The following BNC2 variants were observed in gnomAD, a reference collection of about 807,000 sequenced individuals.
BNC2 encodes basonuclin zinc finger protein 2, also known as zinc finger protein basonuclin-2.
BNC2 carries 20 observed loss-of-function variants against 76.3 expected under a neutral mutation model. That is an observed-to-expected ratio of 0.26 (90% CI 0.18 to 0.38). BNC2 has a LOEUF of 0.38. Ranked by LOEUF, BNC2 falls within the 10% of genes least tolerant of loss-of-function variation. The pLI, the probability that BNC2 is intolerant of heterozygous loss-of-function variation, is 1.00. For missense variants in BNC2, 1,382 were observed against 1,399.8 expected, an observed-to-expected ratio of 0.99 and a Z score of 0.20; for synonymous variants, 582 against 514.8, an observed-to-expected ratio of 1.13 and a Z score of -1.77.
At chr9:16,833,979 A>G (rs1209229567) in intron 1 of BNC2, among the ~76,000 whole-genome samples, 1 of 152,080 alleles carries the variant, frequency 6.6e-6, no homozygotes, top group Non-Finnish European at 1.5e-5. Context: ...TCCTTTTGCA[A>G]TACTCAGCAC....
chr9:16,637,315 T>A (rs1390186571), intron 3 of BNC2, among the ~76,000 whole-genome samples: 2 of 152,154 alleles, frequency 1.3e-5, no homozygotes, highest in Non-Finnish European at 2.9e-5. Context: ...TATTCAGAAC[T>A]AAAGTGAAGT....
chr9:16,706,930 C>T (rs1350510626), intron 3 of BNC2, among the ~76,000 whole-genome samples: 3 of 152,168 alleles, frequency 2.0e-5, no homozygotes, highest in East Asian at 3.9e-4. Context: ...AGGCTGGGCG[C>T]GGAGGCTCAC....
intron 1 of BNC2, among the ~76,000 whole-genome samples, chr9:16,740,522 A>G (rs139520624): frequency 2.7e-4 from 41 of 152,346 alleles, no homozygotes; most frequent in African/African-American, 9.6e-4. Context: ...TGATAGGTAT[A>G]CAGAATCCAT....
intron 3 of BNC2, among the ~76,000 whole-genome samples, chr9:16,725,814 C>T (rs1236674157): frequency 2.6e-5 from 4 of 152,146 alleles, no homozygotes; most frequent in Admixed American, 2.6e-4. Context: ...AAATGTTTTC[C>T]ATGACAAAAT....
chr9:16,781,625 A>C (rs1015380518), intron 1 of BNC2, among the ~76,000 whole-genome samples: 31 of 152,314 alleles, frequency 2.0e-4, no homozygotes, highest in Middle Eastern at 3.4e-3. Flanking sequence ...GGAAATATGA[A>C]AGATTTAATT....
intron 1 of BNC2, among the ~76,000 whole-genome samples, chr9:16,870,105 C>T (rs1452014489): frequency 6.6e-6 from 1 of 152,142 alleles, no homozygotes; most frequent in Non-Finnish European, 1.5e-5. Context: ...AATGTGAAGA[C>T]AAGGGGAGAG....
chr9:16,744,822 A>C (rs1235147837), intron 1 of BNC2, among the ~76,000 whole-genome samples: 1 of 152,236 alleles, frequency 6.6e-6, no homozygotes, highest in African/African-American at 2.4e-5. Context: ...AAAATGTGAA[A>C]GCTTATAGCA....
chr9:16,868,039 G>C (rs991596992), intron 1 of BNC2: 1 of 152,166 alleles, frequency 6.6e-6, no homozygotes, highest in African/African-American at 2.4e-5. Flanking sequence ...TGACAAGTTA[G>C]CAGGGGACTG....
intron 5 of BNC2, among the ~76,000 whole-genome samples, chr9:16,478,248 T>C (rs1262027911): frequency 6.6e-6 from 1 of 152,162 alleles, no homozygotes; most frequent in East Asian, 1.9e-4. Context: ...CTGGCAGGCT[T>C]TTCTCCAGGC....
At chr9:16,651,523 C>T (rs7043298) in intron 3 of BNC2, among the ~76,000 whole-genome samples, 48,382 of 152,004 alleles carry the variant, frequency 0.32, 7,982 homozygotes, top group Non-Finnish European at 0.35. Flanking sequence ...GTCCTAGAAG[C>T]TAAACAAAAC....
chr9:16,552,190 C>T (rs1818683487), intron 5 of BNC2, among the ~76,000 whole-genome samples: 1 of 152,156 alleles, frequency 6.6e-6, no homozygotes, highest in South Asian at 2.1e-4. Flanking sequence ...TTTTCACACA[C>T]CCATTACCCG....
rs376632756 is a variant in BNC2 at position 16,829,041 on chromosome 9, G to A, written c.3+41605C>T. 6.6e-5 allele frequency among the ~76,000 whole-genome samples: 10 copies of A among 152,242 alleles called. No individual in the cohort carries two copies. In the South Asian group the frequency reaches 1.9e-3, roughly 28 times the overall value. On this transcript the variant is annotated intron_variant, in intron 1 of 6. Coordinates refer to ENST00000380672, the MANE Select transcript of BNC2 (RefSeq NM_017637.6). The stretch of plus-strand genomic sequence containing the variant: ...GCAGAAGGGAGGCGAGCCAGGAGCC[G>A]GCACGAGGCACCAGGGGACCTGGGG...
intron 3 of BNC2, among the ~76,000 whole-genome samples, chr9:16,661,161 T>C (rs913329735): frequency 2.6e-5 from 4 of 152,190 alleles, no homozygotes; most frequent in African/African-American, 9.7e-5. Flanking sequence ...TCTTCATTCC[T>C]AGAGAGAAAG....
intron 3 of BNC2, among the ~76,000 whole-genome samples, chr9:16,611,284 T>A (rs1225248281): frequency 6.6e-6 from 1 of 152,134 alleles, no homozygotes; most frequent in Non-Finnish European, 1.5e-5. Context: ...CAGCCAGAGT[T>A]TTTTCTATAA....
intron 3 of BNC2, among the ~76,000 whole-genome samples, chr9:16,659,400 G>C (rs569755834): frequency 2.3e-4 from 35 of 152,152 alleles, no homozygotes; most frequent in Admixed American, 2.3e-3. Flanking sequence ...AGGAGGTCAG[G>C]AGATTGAGAC....
intron 1 of BNC2, among the ~76,000 whole-genome samples, chr9:16,776,045 G>A (rs181179842): frequency 6.6e-6 from 1 of 152,142 alleles, no homozygotes; most frequent in Non-Finnish European, 1.5e-5. Context: ...GCACTTCTAC[G>A]CTGACTTTCA....
rs375923089 is a variant in BNC2 at position 16,693,211 on chromosome 9, AC to A, written c.330+34585del. Among the ~76,000 whole-genome samples, 67 of 152,030 alleles carry A rather than the reference AC, an allele frequency of 4.4e-4. 1 individual carries two copies. The highest frequency in any genetic ancestry group is 1.4e-3 in the African/African-American group (60 of 41,482). On this transcript the variant is annotated intron_variant, in intron 3 of 6. Coordinates refer to ENST00000380672, the MANE Select transcript of BNC2 (RefSeq NM_017637.6). ...AAGCAGCATATCTGCCCCTCCTGCA[AC>A]CAACCGTTTCACAATTAAAATATAA...
At chr9:16,852,181 G>GT (rs1819143219) in intron 1 of BNC2, among the ~76,000 whole-genome samples, 1 of 152,068 alleles carries the variant, frequency 6.6e-6, no homozygotes, top group Non-Finnish European at 1.5e-5. Flanking sequence ...TCCAGTCTCA[G>GT]TTTTTTTGAC....
chr9:16,742,117 C>T (rs1005309832), intron 1 of BNC2, among the ~76,000 whole-genome samples: 1 of 152,122 alleles, frequency 6.6e-6, no homozygotes, highest in African/African-American at 2.4e-5. Flanking sequence ...ATTACTTAGT[C>T]TTTGTTTAGG....
Sources: allele counts gnomAD v4.1 joint callset (sites outside exome capture counted in the v4.1 genomes callset), GRCh38; gene constraint gnomAD v4.1.1; transcripts MANE v1.5; gene names NCBI Gene and HGNC (gene_info 2026-07-23, HGNC 2026-07-21).